Variants in ZNF266 observed in about 807,000 individuals in gnomAD.
The protein encoded by ZNF266 is zinc finger protein 266, also known as zinc finger protein 1.
ZNF266 carries 16 observed loss-of-function variants against 16.4 expected under a neutral mutation model. The ratio of observed to expected loss-of-function variants is 0.98; its 90% CI spans 0.66 to 1.48. ZNF266 has a LOEUF of 1.48. ZNF266 is among the 40% of genes most tolerant of loss of function. The pLI is 0.00. For missense variants in ZNF266, 738 were observed against 689.1 expected, an observed-to-expected ratio of 1.07 and a Z score of -0.79; for synonymous variants, 262 against 237.9, an observed-to-expected ratio of 1.10 and a Z score of -0.93.
At chr19:9,428,356 T>C (rs1282871575) in intron 5 of ZNF266, among the ~76,000 whole-genome samples, 1 of 152,220 alleles carries the variant, frequency 6.6e-6, no homozygotes, top group Non-Finnish European at 1.5e-5. Context: ...TGGCTTCCCC[T>C]GTTCTCAGTC....
intron 5 of ZNF266, 27 bp from the exon 6 acceptor site, chr19:9,420,245 A>G (rs2069651830): frequency 6.6e-6 from 1 of 152,274 alleles, no homozygotes; most frequent in African/African-American, 2.4e-5. Context: ...TTAATCAACA[A>G]GCATTACTTA....
chr19:9,435,068 G>T (rs1006558991), intron 2 of ZNF266, 40 bp downstream of exon 2: 1 of 152,150 alleles, frequency 6.6e-6, no homozygotes, highest in African/African-American at 2.4e-5. Context: ...TAAAACAGGA[G>T]GAAGAAGCCC....
intron 4 of ZNF266, 40 bp downstream of exon 4, chr19:9,434,035 T>G (rs187168582): frequency 8.5e-5 from 13 of 152,246 alleles, no homozygotes; most frequent in African/African-American, 2.9e-4. Flanking sequence ...CCCACCACAT[T>G]GTTTCCCCAA....
chr19:9,425,831 G>C (rs551453554), intron 5 of ZNF266, among the ~76,000 whole-genome samples: 22 of 152,288 alleles, frequency 1.4e-4, no homozygotes, highest in African/African-American at 4.6e-4. Context: ...TCCCCAAATA[G>C]GAACTGCTGG....
chr19:9,433,262 C>A (rs959830503), intron 5 of ZNF266, among the ~76,000 whole-genome samples: 2 of 152,186 alleles, frequency 1.3e-5, no homozygotes, highest in African/African-American at 4.8e-5. Context: ...CATGTGGCCC[C>A]TTCACAGCTT....
At chr19:9,426,077 G>A (rs1244195408) in intron 5 of ZNF266, among the ~76,000 whole-genome samples, 3 of 152,106 alleles carry the variant, frequency 2.0e-5, no homozygotes, top group Non-Finnish European at 4.4e-5. Flanking sequence ...CACCTCGCTG[G>A]CAAGGTTGCT....
chr19:9,435,352 G>T lies in ZNF266; in HGVS notation c.-626C>A, dbSNP rs1238154101. 1 of 152,278 alleles carries T rather than the reference G, an allele frequency of 6.6e-6. No individual in the cohort carries two copies. Among genetic ancestry groups the T allele is most frequent in the Non-Finnish European group, 1.5e-5 (1 of 68,104 alleles). The allele number at this position is 152,278 out of a possible 1,614,324, so 9.4% of individuals were successfully genotyped here. A position where few individuals can be genotyped will look rare whatever the true frequency, so the allele number is the denominator to read the frequency against. On this transcript the variant is annotated 5_prime_UTR_variant, in exon 1 of 11. Transcript: ENST00000592904. The stretch of plus-strand genomic sequence containing the variant: ...CAACTCGAGTGGCTTTTTGAACCTG[G>T]CGGCGCCAGGAGGACCCGCGCGGCC...
rs2069580997 is a variant in ZNF266 at position 9,419,848 on chromosome 19, C to T, written c.25+217G>A. ...CCTGGGGGGCAGAGGTGGCAATGAG[C>T]TGAGATCATGCCACTGCACTCCAGC... On this transcript the variant is annotated intron_variant, in intron 6 of 10. Transcript: ENST00000592904. 2.0e-5 allele frequency: 3 copies of T among 149,900 alleles called. No individual in the cohort carries two copies. In the Admixed American group the frequency reaches 2.0e-4, roughly 10 times the overall value. 9.3% of individuals were successfully genotyped at this position (149,900 alleles called of 1,614,324 possible).
intron 3 of ZNF266, 127 bp downstream of exon 3, chr19:9,434,671 T>C (rs1371596781): frequency 6.6e-6 from 1 of 152,214 alleles, no homozygotes; most frequent in Admixed American, 6.5e-5. Flanking sequence ...ACAGGGTACA[T>C]ATTAACAACA....
intron 10 of ZNF266, among the ~76,000 whole-genome samples, chr19:9,415,192 G>T (rs1265068937): frequency 1.3e-5 from 2 of 152,182 alleles, no homozygotes; most frequent in Non-Finnish European, 2.9e-5. Flanking sequence ...CTACTCAGCA[G>T]GGTGAGGCAC....
chr19:9,431,673 A>C (rs1318787727), intron 5 of ZNF266, among the ~76,000 whole-genome samples: 2 of 152,116 alleles, frequency 1.3e-5, no homozygotes, highest in East Asian at 3.9e-4. Flanking sequence ...TGATCCACCC[A>C]TTGCAGCTGG....
At chr19:9,430,013 C>A (rs564355972) in intron 5 of ZNF266, among the ~76,000 whole-genome samples, 4 of 143,806 alleles carry the variant, frequency 2.8e-5, no homozygotes, top group South Asian at 4.8e-4. Flanking sequence ...CCCACCCCCC[C>A]ACCCAGTAGC....
At chr19:9,418,716 G>A (rs1441460666) in intron 7 of ZNF266, 85 bp from the exon 8 acceptor site, 2 of 694,702 alleles carry the variant, frequency 2.9e-6, no homozygotes, top group African/African-American at 1.8e-5. Context: ...CAGAGTCTGA[G>A]GGCTCACATT....
chr19:9,431,670 C>T (rs1374780986), intron 5 of ZNF266, among the ~76,000 whole-genome samples: 1 of 152,178 alleles, frequency 6.6e-6, no homozygotes. Flanking sequence ...GGCTGATCCA[C>T]CCATTGCAGC....
intron 5 of ZNF266, among the ~76,000 whole-genome samples, chr19:9,425,044 G>C (rs955930294): frequency 2.0e-5 from 3 of 152,180 alleles, no homozygotes; most frequent in Non-Finnish European, 4.4e-5. Flanking sequence ...TGCCTGTGTA[G>C]CTGTTTGTTA....
chr19:9,416,429 T>C (rs1156508290), intron 9 of ZNF266, among the ~76,000 whole-genome samples: 2 of 149,050 alleles, frequency 1.3e-5, no homozygotes, highest in Non-Finnish European at 3.0e-5. Flanking sequence ...AATAGAACAA[T>C]CTCGGCTCAC....
At chr19:9,417,679 C>T (rs1025941121) in intron 9 of ZNF266, 149 bp downstream of exon 9, 8 of 544,806 alleles carry the variant, frequency 1.5e-5, no homozygotes, top group East Asian at 2.9e-5. Flanking sequence ...ACCTGCGAGG[C>T]GGAGGTTGCA....
At chr19:9,432,737 T>G (rs928559130) in intron 5 of ZNF266, among the ~76,000 whole-genome samples, 1 of 152,102 alleles carries the variant, frequency 6.6e-6, no homozygotes, top group African/African-American at 2.4e-5. Flanking sequence ...AAATAGGCTA[T>G]TTATCCAATT....
Position 9,435,397 on chromosome 19 carries a change from C to T in ZNF266, c.-671G>A, listed in dbSNP as rs1318292579. On this transcript the variant is annotated 5_prime_UTR_variant, in exon 1 of 11. Coordinates refer to ENST00000592904, the MANE Select transcript of ZNF266 (RefSeq NM_001370374.1). ...GCGGCCCCGGCGGACGCGAGCGGAG[C>T]AGGCAAGGTCTCTCTAAGGAGGCCC... 1 of 152,186 alleles carries T rather than the reference C, an allele frequency of 6.6e-6. No homozygotes were observed. Among genetic ancestry groups the T allele is most frequent in the African/African-American group, 2.4e-5 (1 of 41,416 alleles). 9.4% of individuals were successfully genotyped at this position (152,186 alleles called of 1,614,324 possible).
Sources: gnomAD v4.1 joint callset for allele counts (sites outside exome capture counted in the v4.1 genomes callset) on GRCh38, gnomAD v4.1.1 for gene constraint, MANE v1.5 for transcripts, NCBI Gene and HGNC (gene_info 2026-07-23, HGNC 2026-07-21) for gene names.